The following PLCB1 variants were observed in gnomAD, a reference collection of about 807,000 sequenced individuals.
The protein encoded by PLCB1 is 1-phosphatidylinositol 4,5-bisphosphate phosphodiesterase beta-1.
PLCB1 carries 46 observed loss-of-function variants against 161.8 expected under a neutral mutation model. The observed-to-expected ratio is 0.28, with a 90% CI of 0.22 to 0.36. The LOEUF is 0.36. Among genes scored for constraint, PLCB1 ranks in the 10% least tolerant of loss-of-function variants. The pLI is 1.00. For missense variants in PLCB1, 1,016 were observed against 1,472.5 expected, an observed-to-expected ratio of 0.69 and a Z score of 5.07; for synonymous variants, 517 against 503.7, an observed-to-expected ratio of 1.03 and a Z score of -0.35.
At chr20:8,386,678 C>T (rs969577626) in intron 3 of PLCB1, among the ~76,000 whole-genome samples, 2 of 152,206 alleles carry the variant, frequency 1.3e-5, no homozygotes, top group African/African-American at 4.8e-5. Context: ...GCTTTGAAGT[C>T]AGGCATTGAC....
chr20:8,375,081 A>G (rs147057413), intron 3 of PLCB1, among the ~76,000 whole-genome samples: 2 of 152,342 alleles, frequency 1.3e-5, no homozygotes, highest in African/African-American at 4.8e-5. Context: ...TTTTCTGTAT[A>G]TAACCTTTGT....
chr20:8,278,257 T>C (rs982028418), intron 2 of PLCB1, among the ~76,000 whole-genome samples: 1 of 131,790 alleles, frequency 7.6e-6, no homozygotes, highest in Non-Finnish European at 1.6e-5. Flanking sequence ...GAAACAATCA[T>C]ATATATAAAT....
At chr20:8,741,048 T>C (rs983765540) in intron 22 of PLCB1, among the ~76,000 whole-genome samples, 6 of 152,192 alleles carry the variant, frequency 3.9e-5, no homozygotes, top group Non-Finnish European at 8.8e-5. Context: ...GTAAAATGTC[T>C]CCATTTATGA....
intron 5 of PLCB1, among the ~76,000 whole-genome samples, chr20:8,647,369 A>G (rs576792029): frequency 2.4e-4 from 37 of 152,300 alleles, no homozygotes; most frequent in African/African-American, 8.9e-4. Context: ...ATGTCTCCCT[A>G]TGAATAGCTA....
At chr20:8,274,460 T>G (rs1166715899) in intron 2 of PLCB1, among the ~76,000 whole-genome samples, 1 of 152,088 alleles carries the variant, frequency 6.6e-6, no homozygotes, top group Non-Finnish European at 1.5e-5. Context: ...TGCCTCTGTT[T>G]GGATTTTTGT....
At chr20:8,430,868 G>C (rs932919995) in intron 3 of PLCB1, among the ~76,000 whole-genome samples, 2 of 152,070 alleles carry the variant, frequency 1.3e-5, no homozygotes, top group African/African-American at 4.8e-5. Flanking sequence ...TGAGGCAGGA[G>C]GCTCTCTTGA....
At chr20:8,646,229 A>G (rs543243056) in intron 5 of PLCB1, 48 bp downstream of exon 5, 20 of 1,242,918 alleles carry the variant, frequency 1.6e-5, no homozygotes, top group Non-Finnish European at 2.3e-5. Flanking sequence ...CTTCTGAGTC[A>G]GTTTCCTTTC....
intron 23 of PLCB1, chr20:8,750,758 G>C (rs1159699921): frequency 4.2e-6 from 4 of 956,140 alleles, no homozygotes; most frequent in African/African-American, 1.7e-5. Flanking sequence ...TAAGGGAAAG[G>C]CTGGCTCTAA....
In PLCB1 at chr20:8,871,110, G is replaced by T. The variant is rs1189687463; in HGVS notation, c.3424-10512G>T. 5.9e-5 allele frequency among the ~76,000 whole-genome samples: 9 copies of T among 152,190 alleles called. No homozygotes were observed. The South Asian group carries it at 1.4e-3, about 25-fold the overall frequency. ...TAATGTGCATCCATCTGTGAAATTA[G>T]CCATAGATTATGAAAACAGAGTATG... On this transcript the variant is annotated intron_variant, in intron 31 of 31. Transcript: ENST00000338037.
At chr20:8,575,663 T>C (rs1339138652) in intron 3 of PLCB1, among the ~76,000 whole-genome samples, 2 of 152,218 alleles carry the variant, frequency 1.3e-5, no homozygotes, top group Non-Finnish European at 2.9e-5. Flanking sequence ...CGAAGAGTGC[T>C]AACAGAGGGA....
At chr20:8,283,569 A>G (rs1007979738) in intron 2 of PLCB1, among the ~76,000 whole-genome samples, 2 of 149,124 alleles carry the variant, frequency 1.3e-5, no homozygotes, top group African/African-American at 5.1e-5. Flanking sequence ...AAATAAATCA[A>G]TCAATAAATA....
chr20:8,383,847 C>A (rs1038107087), intron 3 of PLCB1, among the ~76,000 whole-genome samples: 16 of 152,116 alleles, frequency 1.1e-4, no homozygotes, highest in Non-Finnish European at 2.9e-5. Flanking sequence ...TGAATATTGG[C>A]CCCCAATCTC....
rs758924793 is a variant in PLCB1, at chr20:8,881,786, G to A, written c.3588G>A (p.Lys1196=). 2 of 1,614,062 alleles carry A rather than the reference G, an allele frequency of 1.2e-6. No individual in the cohort carries two copies. Among genetic ancestry groups the A allele is most frequent in the Non-Finnish European group, 1.7e-6 (2 of 1,179,972 alleles). The change falls in exon 32 of 32, where the codon AAG becomes AAA. Residue 1196 remains lysine (K), a synonymous_variant. Transcript: ENST00000338037. The part of the protein sequence containing the change: ...LSSDPGKVNH[K]TPSSEELGGD... ...CAGACCCTGGAAAAGTGAACCACAA[G>A]ACTCCCTCCAGTGAGGAGCTGGGAG... is the stretch of plus-strand genomic sequence containing the variant.
intron 2 of PLCB1, among the ~76,000 whole-genome samples, chr20:8,328,835 AT>A (rs953603822): frequency 6.6e-6 from 1 of 152,202 alleles, no homozygotes; most frequent in Non-Finnish European, 1.5e-5. Flanking sequence ...AACACGGAAC[AT>A]AAGCATGATA....
Position 8,135,569 on chromosome 20 carries a change from G to A in PLCB1, c.99+2819G>A, listed in dbSNP as rs533595680. Reference sequence around the variant, plus strand: ...ATACCCTGTTGTACCAGGGCCAGGCGTTAATATTTTTGCTGCTTGGTCATG... The same window carrying A: ...ATACCCTGTTGTACCAGGGCCAGGCATTAATATTTTTGCTGCTTGGTCATG... On this transcript the variant is annotated intron_variant, in intron 1 of 31. Transcript: ENST00000338037. Among the ~76,000 whole-genome samples the A allele has an allele frequency of 1.6e-4, 25 of 152,282 alleles. No homozygotes were observed. In the South Asian group the frequency reaches 2.5e-3, roughly 15 times the overall value.
At chr20:8,452,405 A>G (rs1981112428) in intron 3 of PLCB1, among the ~76,000 whole-genome samples, 1 of 152,216 alleles carries the variant, frequency 6.6e-6, no homozygotes, top group African/African-American at 2.4e-5. Flanking sequence ...TGAGATTTTG[A>G]GGAGAAAACT....
chr20:8,501,232 A>G (rs777548759), intron 3 of PLCB1, among the ~76,000 whole-genome samples: 6 of 152,188 alleles, frequency 3.9e-5, no homozygotes, highest in Non-Finnish European at 7.3e-5. Flanking sequence ...CACTTGGCAC[A>G]ATTTCTAACT....
chr20:8,844,256 T>A (rs916157085), intron 31 of PLCB1, among the ~76,000 whole-genome samples: 1 of 152,242 alleles, frequency 6.6e-6, no homozygotes, highest in Admixed American at 6.5e-5. Flanking sequence ...CTAATGTGGT[T>A]CATCTCAATG....
At chr20:8,512,252 G>GA (rs1442995071) in intron 3 of PLCB1, among the ~76,000 whole-genome samples, 1 of 152,056 alleles carries the variant, frequency 6.6e-6, no homozygotes, top group East Asian at 1.9e-4. Flanking sequence ...AAATTTTATG[G>GA]AAAAATCTGT....
Sources: gnomAD v4.1 joint callset for allele counts (sites outside exome capture counted in the v4.1 genomes callset) on GRCh38, gnomAD v4.1.1 for gene constraint, MANE v1.5 for transcripts, NCBI Gene and HGNC (gene_info 2026-07-23, HGNC 2026-07-21) for gene names.